Variants in HHAT observed in about 807,000 individuals in gnomAD.
HHAT encodes the protein protein-cysteine N-palmitoyltransferase HHAT.
A neutral mutation model predicts 70.8 loss-of-function variants in HHAT; 47 were observed. The ratio of observed to expected loss-of-function variants is 0.66; its 90% CI spans 0.53 to 0.85. HHAT has a LOEUF of 0.85. Among genes scored for constraint, HHAT ranks in the 40% least tolerant of loss-of-function variants. The pLI is 0.00. For synonymous variants in HHAT, 228 were observed against 247.6 expected, an observed-to-expected ratio of 0.92 and a Z score of 0.74; for missense variants, 609 against 604.8, an observed-to-expected ratio of 1.01 and a Z score of -0.07.
In HHAT at chr1:210,534,323, T is replaced by A. The variant is rs142786840; in HGVS notation, c.1043+21135T>A. Among the ~76,000 whole-genome samples, 683 of 152,358 alleles carry A rather than the reference T, an allele frequency of 4.5e-3. 4 individuals are homozygous for A. The highest frequency in any genetic ancestry group is 0.016 in the African/African-American group (660 of 41,594). Reference sequence around the variant, plus strand: ...CACTCCTGTTATATTTAACTTTGGCTACCTGAGGATGTGGGAGATGATTAT... The same window carrying A: ...CACTCCTGTTATATTTAACTTTGGCAACCTGAGGATGTGGGAGATGATTAT... On this transcript the variant is annotated intron_variant, in intron 9 of 11. Coordinates refer to ENST00000261458, the MANE Select transcript of HHAT (RefSeq NM_018194.6).
chr1:210,537,148 AAAAT>A (rs2095381462), intron 9 of HHAT, among the ~76,000 whole-genome samples: 2 of 152,188 alleles, frequency 1.3e-5, no homozygotes, highest in Non-Finnish European at 2.9e-5. Context: ...AAAGATGAAC[AAAAT>A]AAACACTGAA....
At chr1:210,504,889 G>A (rs1316781514) in intron 8 of HHAT, among the ~76,000 whole-genome samples, 3 of 147,930 alleles carry the variant, frequency 2.0e-5, no homozygotes, top group Non-Finnish European at 3.0e-5. Flanking sequence ...TGTTCCCGGC[G>A]TAGCTTTTTA....
intron 7 of HHAT, among the ~76,000 whole-genome samples, chr1:210,428,661 T>C (rs1572375364): frequency 6.6e-6 from 1 of 151,766 alleles, no homozygotes; most frequent in East Asian, 1.9e-4. Flanking sequence ...CTTCTGTTTC[T>C]TATAAACTAA....
chr1:210,594,924 T>C (rs894099434), intron 10 of HHAT, among the ~76,000 whole-genome samples: 7 of 151,996 alleles, frequency 4.6e-5, no homozygotes, highest in Non-Finnish European at 1.0e-4. Flanking sequence ...GGAGCTGCAA[T>C]GTATGTTATT....
chr1:210,328,806 A>T, upstream of HHAT: 2 of 373,080 alleles, frequency 5.4e-6, no homozygotes, highest in Non-Finnish European at 9.4e-6. Flanking sequence ...TCAGAAACGC[A>T]GGCCGCGCTC....
intron 10 of HHAT, among the ~76,000 whole-genome samples, chr1:210,597,352 A>G (rs1663233891): frequency 6.6e-6 from 1 of 152,048 alleles, no homozygotes; most frequent in African/African-American, 2.4e-5. Context: ...TGTTTGCTCA[A>G]GGCCCTAGCG....
chr1:210,574,105 G>A (rs1015941525), intron 9 of HHAT, among the ~76,000 whole-genome samples: 2 of 152,156 alleles, frequency 1.3e-5, no homozygotes, highest in African/African-American at 2.4e-5. Context: ...GAGGTAGCTC[G>A]GAAGTACTAA....
rs1226905122 is a variant in HHAT, at chr1:210,513,136, A to G, written c.1008-17A>G. The G allele has an allele frequency of 1.4e-6, 2 of 1,475,110 alleles. No individual in the cohort carries two copies. Among genetic ancestry groups the G allele is most frequent in the East Asian group, 2.3e-5 (1 of 43,778 alleles). 91.4% of individuals were successfully genotyped at this position (1,475,110 alleles called of 1,614,324 possible). A position where few individuals can be genotyped will look rare whatever the true frequency, so the allele number is the denominator to read the frequency against. On this transcript the variant is annotated splice_polypyrimidine_tract_variant and intron_variant, in intron 8 of 11. Transcript: ENST00000261458. ...ATATCTTTTATTGATATGCTTGTCT[A>G]TGTCTCTTTTGAACAGGTATTTTGA...
intron 11 of HHAT, among the ~76,000 whole-genome samples, chr1:210,653,130 T>TATAC (rs113600697): frequency 0.27 from 40,783 of 151,096 alleles, 6,537 homozygotes; most frequent in South Asian, 0.37. Context: ...AAAACAGCTT[T>TATAC]ATACATACAT....
chr1:210,661,071 T>C, intron 11 of HHAT, among the ~76,000 whole-genome samples: 1 of 152,064 alleles, frequency 6.6e-6, no homozygotes, highest in Non-Finnish European at 1.5e-5. Context: ...ACAAATGGGA[T>C]CTAATCAAAG....
chr1:210,365,822 G>A (rs1245113228), intron 3 of HHAT, among the ~76,000 whole-genome samples: 3 of 151,712 alleles, frequency 2.0e-5, no homozygotes, highest in African/African-American at 7.3e-5. Context: ...CACCACGTTG[G>A]CTAGGCTGGT....
chr1:210,494,590 T>C (rs2094604996), intron 8 of HHAT, among the ~76,000 whole-genome samples: 1 of 142,930 alleles, frequency 7.0e-6, no homozygotes, highest in African/African-American at 2.5e-5. Flanking sequence ...TTGCTCTTTT[T>C]TCCCAGGCTG....
At chr1:210,545,448 T>TG (rs2095475201) in intron 9 of HHAT, among the ~76,000 whole-genome samples, 2 of 150,124 alleles carry the variant, frequency 1.3e-5, no homozygotes, top group South Asian at 4.3e-4. Flanking sequence ...TTTTTTTTTT[T>TG]TTTTTGAGAT....
chr1:210,555,958 C>T (rs776095334), intron 9 of HHAT, among the ~76,000 whole-genome samples: 1 of 152,072 alleles, frequency 6.6e-6, no homozygotes, highest in Non-Finnish European at 1.5e-5. Flanking sequence ...GTTTGGAGGC[C>T]CTGTTTTTGA....
chr1:210,400,586 G>A lies in HHAT; in HGVS notation c.392G>A (p.Arg131Gln), dbSNP rs370012146. The A allele has an allele frequency of 2.0e-5, 33 of 1,613,976 alleles. No individual in the cohort carries two copies. The highest frequency in any genetic ancestry group is 1.7e-4 in the African/African-American group (13 of 74,886). Reference sequence around the variant, plus strand: ...ATCTCTTTCTGCGTGGCCCAGTTCCGGTCTCAGCTCCTGACGTGGCTCTGT... The same window carrying A: ...ATCTCTTTCTGCGTGGCCCAGTTCCAGTCTCAGCTCCTGACGTGGCTCTGT... ...TTISFCVAQF[R>Q]SQLLTWLCSL... The change falls in exon 5 of 12, where the codon CGG (arginine) becomes CAG (glutamine). Residue 131 changes from arginine (R) to glutamine (Q), a missense_variant. By Grantham distance (43) the Arg-to-Gln change is conservative (BLOSUM62 1). Transcript: ENST00000261458.
chr1:210,416,807 G>A (rs1016002406), intron 6 of HHAT, among the ~76,000 whole-genome samples: 10 of 152,130 alleles, frequency 6.6e-5, no homozygotes, highest in African/African-American at 2.2e-4. Context: ...ACATGGAGGC[G>A]GTTAATGATA....
chr1:210,602,042 T>G (rs1301940894), intron 10 of HHAT, among the ~76,000 whole-genome samples: 32 of 150,880 alleles, frequency 2.1e-4, no homozygotes, highest in Non-Finnish European at 5.9e-5. Flanking sequence ...ACACCAATAT[T>G]GAGAAGTTGG....
intron 9 of HHAT, among the ~76,000 whole-genome samples, chr1:210,554,543 G>C (rs1475782248): frequency 1.3e-5 from 2 of 152,176 alleles, no homozygotes; most frequent in East Asian, 1.9e-4. Flanking sequence ...GTGGGTGTGA[G>C]TCTGTGGAGG....
chr1:210,518,068 T>G (rs745980243), intron 9 of HHAT, among the ~76,000 whole-genome samples: 3 of 152,226 alleles, frequency 2.0e-5, no homozygotes, highest in Non-Finnish European at 4.4e-5. Context: ...ATTGGTCATC[T>G]CATACATTTA....
Sources: gnomAD v4.1 joint callset for allele counts (sites outside exome capture counted in the v4.1 genomes callset) on GRCh38, gnomAD v4.1.1 for gene constraint, MANE v1.5 for transcripts, NCBI Gene and HGNC (gene_info 2026-07-23, HGNC 2026-07-21) for gene names.